DCDC1: variants seen among roughly 807,000 people sequenced by gnomAD.
DCDC1 encodes doublecortin domain-containing protein 1.
DCDC1 carries 200 observed loss-of-function variants against 178.3 expected under a neutral mutation model. That is an observed-to-expected ratio of 1.12 (90% CI 1.00 to 1.26). The LOEUF (loss-of-function observed/expected upper bound fraction) is 1.26. Ranked by LOEUF, DCDC1 falls within the 50% of genes most tolerant of loss-of-function variation. The pLI is 0.00. For synonymous variants in DCDC1, 690 were observed against 604.8 expected (o/e 1.14, Z -2.07); for missense variants, 1,983 against 1,749.2 (o/e 1.13, Z -2.38).
At chr11:31,087,256 A>C (rs1448893582) in intron 17 of DCDC1, among the ~76,000 whole-genome samples, 3 of 152,008 alleles carry the variant, frequency 2.0e-5, no homozygotes, top group Non-Finnish European at 4.4e-5. Context: ...CTCTCTTTTT[A>C]TCTGAACAAT....
intron 7 of DCDC1, chr11:31,280,667 AT>A: frequency 1.9e-6 from 1 of 516,048 alleles, no homozygotes; most frequent in Non-Finnish European, 3.7e-6. Flanking sequence ...GTGGCAAATT[AT>A]TACTCATTTA....
Position 30,906,735 on chromosome 11 carries a change from G to C in DCDC1, c.3919-10C>G. On this transcript the variant is annotated splice_polypyrimidine_tract_variant and intron_variant, in intron 29 of 38. Coordinates refer to ENST00000684477, the MANE Select transcript of DCDC1 (RefSeq NM_001387274.1). ...AGAGATAACAGTATCCCTAAAATGG[G>C]AGACAAAGATGGCTTTATATAGGAG... is the stretch of plus-strand genomic sequence containing the variant. 2.5e-6 allele frequency: 4 copies of C among 1,608,922 alleles called. No individual in the cohort carries two copies. Among genetic ancestry groups the C allele is most frequent in the Non-Finnish European group, 3.4e-6 (4 of 1,177,250 alleles).
At chr11:31,344,628 C>T (rs1239383449) in intron 1 of DCDC1, among the ~76,000 whole-genome samples, 2 of 152,204 alleles carry the variant, frequency 1.3e-5, no homozygotes, top group African/African-American at 4.8e-5. Context: ...CATGTGTCAG[C>T]TACTGGAGAA....
chr11:31,285,073 T>A (rs1234115728), intron 7 of DCDC1, among the ~76,000 whole-genome samples: 1 of 151,986 alleles, frequency 6.6e-6, no homozygotes, highest in South Asian at 2.1e-4. Context: ...TTCTTTTTGC[T>A]TTTTTTAGAA....
intron 34 of DCDC1, among the ~76,000 whole-genome samples, 198 bp from the exon 35 acceptor site, chr11:30,894,582 T>C (rs531710765): frequency 1.8e-3 from 281 of 152,322 alleles, no homozygotes; most frequent in African/African-American, 6.4e-3. Flanking sequence ...AGGCTTTAAA[T>C]AGCCAGGATT....
chr11:31,149,519 G>A (rs1346394870), intron 9 of DCDC1, among the ~76,000 whole-genome samples: 1 of 152,094 alleles, frequency 6.6e-6, no homozygotes, highest in Non-Finnish European at 1.5e-5. Flanking sequence ...CCGCCCAGCA[G>A]CAGCAACCTG....
chr11:30,926,683 C>T (rs545544976), intron 22 of DCDC1, among the ~76,000 whole-genome samples: 2 of 152,310 alleles, frequency 1.3e-5, no homozygotes, highest in South Asian at 4.1e-4. Context: ...ATAAAGTTGA[C>T]TTTATGCTCA....
chr11:30,877,818 C>T (rs942951270), intron 38 of DCDC1, among the ~76,000 whole-genome samples: 4 of 152,048 alleles, frequency 2.6e-5, no homozygotes, highest in African/African-American at 9.7e-5. Flanking sequence ...TGGAAAATAT[C>T]GTGGCTGAGC....
chr11:30,944,368 T>C (rs183140130), intron 21 of DCDC1: 1 of 455,880 alleles, frequency 2.2e-6, no homozygotes, highest in African/African-American at 2.0e-5. Flanking sequence ...AATGGTTAGA[T>C]AAATAGTAAA....
intron 20 of DCDC1, among the ~76,000 whole-genome samples, chr11:30,954,583 T>G (rs560768073): frequency 1.8e-4 from 28 of 152,186 alleles, no homozygotes; most frequent in Non-Finnish European, 3.7e-4. Flanking sequence ...GATGTAAAAT[T>G]CCTAAATCAG....
In DCDC1 at chr11:30,988,669, G is replaced by C. The variant is rs1050231585; in HGVS notation, c.2592-36101C>G. Among the ~76,000 whole-genome samples the C allele has an allele frequency of 2.4e-4, 37 of 152,112 alleles. 1 individual carries two copies. Among genetic ancestry groups the C allele is most frequent in the Non-Finnish European group, 5.0e-4 (34 of 68,012 alleles). ...GCATTGGAGGAAGAAGAATTGTCTT[G>C]AGCCACACATAAAATACACTAACAC... On this transcript the variant is annotated intron_variant, in intron 20 of 38. Coordinates refer to ENST00000684477, the MANE Select transcript of DCDC1 (RefSeq NM_001387274.1).
At position 31,064,631 on chromosome 11, in the gene DCDC1, T is replaced by C. The variant is rs775999542; in HGVS notation, c.2434-5A>G. Reference sequence around the variant, plus strand: ...GCTGGCACTTTCTTGCAGAACCTAATAAATGAAATATAGGAATCATGTAGC... The same window carrying C: ...GCTGGCACTTTCTTGCAGAACCTAACAAATGAAATATAGGAATCATGTAGC... On this transcript the variant is annotated splice_region_variant and splice_polypyrimidine_tract_variant and intron_variant, in intron 19 of 38. Transcript: ENST00000684477. The C allele has an allele frequency of 1.3e-6, 1 of 765,358 alleles. No homozygotes were observed. The highest frequency in any genetic ancestry group is 1.7e-5 in the Admixed American group (1 of 58,874). 47.4% of individuals were successfully genotyped at this position (765,358 alleles called of 1,614,324 possible).
chr11:30,910,594 T>C (rs1157853069), intron 28 of DCDC1, among the ~76,000 whole-genome samples: 1 of 152,180 alleles, frequency 6.6e-6, no homozygotes, highest in Non-Finnish European at 1.5e-5. Flanking sequence ...TGGAAAATAC[T>C]GAGGAGGACA....
intron 20 of DCDC1, among the ~76,000 whole-genome samples, chr11:30,953,206 T>A (rs1189167497): frequency 6.7e-6 from 1 of 149,840 alleles, no homozygotes; most frequent in Non-Finnish European, 1.5e-5. Flanking sequence ...AAATCAGATA[T>A]AAATGCAATT....
intron 4 of DCDC1, chr11:31,307,392 A>G: frequency 4.1e-6 from 2 of 493,616 alleles, no homozygotes; most frequent in South Asian, 7.1e-5. Flanking sequence ...TCCTAGCCTG[A>G]TTCTGCTTCA....
At chr11:31,276,987 A>G (rs1250151161) in intron 7 of DCDC1, among the ~76,000 whole-genome samples, 1 of 152,164 alleles carries the variant, frequency 6.6e-6, no homozygotes, top group Non-Finnish European at 1.5e-5. Context: ...CTGTTGATTT[A>G]TAATGTACAT....
At chr11:31,204,290 T>G (rs925015559) in intron 9 of DCDC1, among the ~76,000 whole-genome samples, 3 of 152,132 alleles carry the variant, frequency 2.0e-5, no homozygotes, top group Non-Finnish European at 4.4e-5. Flanking sequence ...AATAATTAAT[T>G]TAAGTATTCA....
intron 14 of DCDC1, among the ~76,000 whole-genome samples, chr11:31,102,728 A>G (rs1467494361): frequency 1.3e-5 from 2 of 152,238 alleles, no homozygotes; most frequent in Admixed American, 1.3e-4. Context: ...ACCTATTCCT[A>G]TTTAAATTTA....
chr11:31,226,328 G>C (rs753051037), intron 9 of DCDC1, among the ~76,000 whole-genome samples: 7 of 151,890 alleles, frequency 4.6e-5, no homozygotes, highest in Non-Finnish European at 8.8e-5. Flanking sequence ...TGTGTAACTA[G>C]AGTCCAGAAA....
Sources: gnomAD v4.1 joint callset for allele counts (sites outside exome capture counted in the v4.1 genomes callset) on GRCh38, gnomAD v4.1.1 for gene constraint, MANE v1.5 for transcripts, NCBI Gene and HGNC (gene_info 2026-07-23, HGNC 2026-07-21) for gene names.